Variants in RBPJ observed in about 807,000 individuals in gnomAD.
The protein encoded by RBPJ is recombining binding protein suppressor of hairless.
Under a neutral mutation model 67.8 loss-of-function variants are expected in RBPJ, and 9 were observed. The observed-to-expected ratio is 0.13, with a 90% CI of 0.08 to 0.23. The LOEUF is 0.23. Among genes scored for constraint, RBPJ ranks in the 10% least tolerant of loss-of-function variants. The probability of loss-of-function intolerance (pLI) is 1.00; values close to 1 mark genes in which losing one functional copy is unlikely to be tolerated. For missense variants in RBPJ, 305 were observed against 595.6 expected (o/e 0.51, Z 5.08); for synonymous variants, 198 against 203.3 (o/e 0.97, Z 0.22).
At chr4:26,246,792 C>A (rs987029244) in intron 1 of RBPJ, among the ~76,000 whole-genome samples, 1 of 152,028 alleles carries the variant, frequency 6.6e-6, no homozygotes, top group Non-Finnish European at 1.5e-5. Flanking sequence ...GACCCCCTGA[C>A]TAAATGGAGG....
chr4:26,187,932 C>A (rs1560202689), intron 1 of RBPJ, among the ~76,000 whole-genome samples: 1 of 152,140 alleles, frequency 6.6e-6, no homozygotes, highest in East Asian at 1.9e-4. Context: ...GAGGCTGAGG[C>A]AGGAGAATCA....
upstream of RBPJ, chr4:26,320,754 C>T: frequency 6.4e-7 from 1 of 1,553,696 alleles, no homozygotes; most frequent in Non-Finnish European, 8.7e-7. Flanking sequence ...CGGAGCGCTC[C>T]CCATGGACCA....
At chr4:26,399,928 C>T (rs934175023) in intron 2 of RBPJ, among the ~76,000 whole-genome samples, 3 of 152,162 alleles carry the variant, frequency 2.0e-5, no homozygotes, top group Non-Finnish European at 4.4e-5. Flanking sequence ...ATTTGCCCAC[C>T]TCAGCCTCCC....
intron 4 of RBPJ, among the ~76,000 whole-genome samples, chr4:26,420,106 T>A (rs1266235988): frequency 3.3e-5 from 5 of 152,190 alleles, no homozygotes; most frequent in Non-Finnish European, 7.4e-5. Flanking sequence ...TTATGCACTA[T>A]TTTGAGAAGA....
the RBPJ span, among the ~76,000 whole-genome samples, chr4:26,125,007 C>T: frequency 2.0e-5 from 3 of 152,234 alleles, no homozygotes; most frequent in African/African-American, 4.8e-5. Context: ...TCTTCGGGCA[C>T]ATGGTCTGAG....
intron 1 of RBPJ, among the ~76,000 whole-genome samples, chr4:26,269,627 G>A (rs920753275): frequency 1.3e-5 from 2 of 151,994 alleles, no homozygotes; most frequent in African/African-American, 2.4e-5. Flanking sequence ...CTCCCCCACC[G>A]GACTTCACCT....
At chr4:26,419,310 T>C (rs548911119) in intron 4 of RBPJ, among the ~76,000 whole-genome samples, 12 of 152,352 alleles carry the variant, frequency 7.9e-5, no homozygotes, top group Middle Eastern at 3.4e-3. Flanking sequence ...TGGCTTTATC[T>C]TATTTTTGCC....
At chr4:26,109,434 C>A in the RBPJ span, among the ~76,000 whole-genome samples, 3 of 31,616 alleles carry the variant, frequency 9.5e-5, no homozygotes, top group African/African-American at 4.6e-4. Context: ...CCCTCTCTCT[C>A]TCTCTCTCTC....
chr4:26,239,273 A>G (rs987528005), intron 1 of RBPJ, among the ~76,000 whole-genome samples: 2 of 152,206 alleles, frequency 1.3e-5, no homozygotes, highest in Non-Finnish European at 2.9e-5. Flanking sequence ...ATCACTCAAA[A>G]GTCTGTATCC....
At chr4:26,351,530 G>A (rs1244929062) in intron 1 of RBPJ, among the ~76,000 whole-genome samples, 1 of 152,120 alleles carries the variant, frequency 6.6e-6, no homozygotes, top group African/African-American at 2.4e-5. Flanking sequence ...ACAGGTGTGT[G>A]CCACCACACC....
chr4:26,220,073 C>G (rs956473693), intron 1 of RBPJ, among the ~76,000 whole-genome samples: 2 of 152,072 alleles, frequency 1.3e-5, no homozygotes, highest in African/African-American at 2.4e-5. Flanking sequence ...GTGAGCCACC[C>G]TGCCCAGCCA....
chr4:26,274,304 A>G (rs1721010403), intron 1 of RBPJ, among the ~76,000 whole-genome samples: 1 of 152,172 alleles, frequency 6.6e-6, no homozygotes, highest in Non-Finnish European at 1.5e-5. Context: ...ACCCTAAGGA[A>G]GATAAGAGAA....
chr4:26,369,446 G>A (rs1423021307), intron 1 of RBPJ, among the ~76,000 whole-genome samples: 1 of 152,136 alleles, frequency 6.6e-6, no homozygotes, highest in African/African-American at 2.4e-5. Flanking sequence ...TTACAGAGAC[G>A]GAAGCTCTAG....
intron 1 of RBPJ, chr4:26,362,607 G>A (rs933535173): frequency 1.9e-6 from 3 of 1,614,030 alleles, no homozygotes; most frequent in Non-Finnish European, 2.5e-6. Flanking sequence ...TGTTCTTGAA[G>A]TACCATGGCG....
At chr4:26,355,660 C>T (rs1727293243) in intron 1 of RBPJ, among the ~76,000 whole-genome samples, 1 of 152,030 alleles carries the variant, frequency 6.6e-6, no homozygotes, top group East Asian at 1.9e-4. Context: ...AACCCTAACC[C>T]CTCTCCTGCC....
chr4:26,150,836 G>C, the RBPJ span, among the ~76,000 whole-genome samples: 1 of 152,194 alleles, frequency 6.6e-6, no homozygotes. Context: ...GTTTACACTA[G>C]TGAGAAAGCT....
chr4:26,273,159 T>C (rs1388920813), intron 1 of RBPJ, among the ~76,000 whole-genome samples: 1 of 152,168 alleles, frequency 6.6e-6, no homozygotes, highest in Non-Finnish European at 1.5e-5. Flanking sequence ...TCCCTTCCTC[T>C]CATTGCCTCA....
At chr4:26,240,317 A>C (rs1176769679) in intron 1 of RBPJ, among the ~76,000 whole-genome samples, 1 of 152,192 alleles carries the variant, frequency 6.6e-6, no homozygotes, top group African/African-American at 2.4e-5. Flanking sequence ...ACTTTTTGCC[A>C]TTCCCTGGGA....
At chr4:26,352,650 C>G (rs1726932100) in intron 1 of RBPJ, among the ~76,000 whole-genome samples, 1 of 152,200 alleles carries the variant, frequency 6.6e-6, no homozygotes, top group Non-Finnish European at 1.5e-5. Context: ...TTGCAGTGAG[C>G]CCAGATCGCA....
Sources: gnomAD v4.1 joint callset for allele counts (sites outside exome capture counted in the v4.1 genomes callset) on GRCh38, gnomAD v4.1.1 for gene constraint, MANE v1.5 for transcripts, NCBI Gene and HGNC (gene_info 2026-07-23, HGNC 2026-07-21) for gene names.